Variants in CTDSP2 observed in about 807,000 individuals in gnomAD.
CTDSP2 encodes the protein CTD small phosphatase 2.
In CTDSP2, 9 loss-of-function variants were observed where a neutral mutation model predicts 31.6. The ratio of observed to expected loss-of-function variants is 0.28; its 90% CI spans 0.17 to 0.50. CTDSP2 has a LOEUF of 0.50. Among genes scored for constraint, CTDSP2 ranks in the 20% least tolerant of loss-of-function variants. The probability of loss-of-function intolerance (pLI) is 0.98; values close to 1 mark genes in which losing one functional copy is unlikely to be tolerated. For missense variants in CTDSP2, 267 were observed against 348.5 expected (o/e 0.77, Z 1.86); for synonymous variants, 134 against 134.5 (o/e 1.00, Z 0.03).
At chr12:57,842,681 G>A (rs549962281) in intron 1 of CTDSP2, 1 of 152,468 alleles carries the variant, frequency 6.6e-6, no homozygotes, top group Admixed American at 6.5e-5. Flanking sequence ...GGGAGCCTCA[G>A]CAGTCACTGT....
chr12:57,841,711 G>A (rs981106344), intron 1 of CTDSP2, among the ~76,000 whole-genome samples: 33 of 152,118 alleles, frequency 2.2e-4, no homozygotes, highest in African/African-American at 5.1e-4. Flanking sequence ...TCTGACCCCC[G>A]GCCACCTGTC....
At chr12:57,824,783 T>A (rs1488536667) in intron 5 of CTDSP2, 1 of 457,536 alleles carries the variant, frequency 2.2e-6, no homozygotes. Flanking sequence ...AGTGACTTTT[T>A]CCCCTCAATG....
rs1956166947 is a variant in CTDSP2, at chr12:57,824,056, A to G, written c.538T>C (p.Cys180Arg). 1 of 1,613,642 alleles carries G rather than the reference A, an allele frequency of 6.2e-7. No individual in the cohort carries two copies. Among genetic ancestry groups the G allele is most frequent in the Non-Finnish European group, 8.5e-7 (1 of 1,179,904 alleles). Reference protein sequence around the residue: ...ADPVTDLLDRCGVFRARLFRE... With the variant: ...ADPVTDLLDRRGVFRARLFRE... ...AATAGGCGGGCCCGGAACACCCCAC[A>G]CCGGTCCAGCAGGTCTGTCACAGGG... The change falls in exon 7 of 8, where the codon TGT (cysteine) becomes CGT (arginine). Residue 180 changes from cysteine to arginine, a missense_variant. Cys to Arg is a radical substitution (Grantham distance 180). Transcript: ENST00000398073.
intron 1 of CTDSP2, among the ~76,000 whole-genome samples, chr12:57,830,421 C>CCAACAA (rs376992203): frequency 2.0e-5 from 3 of 151,640 alleles, no homozygotes; most frequent in South Asian, 4.2e-4. Context: ...ACAAACAAAA[C>CCAACAA]CAACAACAAC....
At position 57,844,846 on chromosome 12, in the gene CTDSP2, GC is replaced by G. The variant is rs1956304309; in HGVS notation, c.64+1525del. On this transcript the variant is annotated intron_variant, in intron 1 of 7. Transcript: ENST00000398073. ...GTAGGCAAGGCCATCCCTTCTCAGGGCAGGCTTATTTAAAGTCCGGCCAGTG... is the reference window on the plus strand; with the variant it reads ...GTAGGCAAGGCCATCCCTTCTCAGGGAGGCTTATTTAAAGTCCGGCCAGTG... Among the ~76,000 whole-genome samples the G allele has an allele frequency of 2.0e-5, 3 of 151,990 alleles. No homozygotes were observed. The South Asian group carries it at 6.2e-4, about 32-fold the overall frequency.
intron 1 of CTDSP2, among the ~76,000 whole-genome samples, chr12:57,834,386 GC>G (rs939184200): frequency 2.6e-5 from 4 of 152,140 alleles, no homozygotes; most frequent in African/African-American, 9.7e-5. Flanking sequence ...CCTACCCCTT[GC>G]CCCAGGTTTT....
Position 57,823,506 on chromosome 12 carries a change from TG to T in CTDSP2, c.*95del. On this transcript the variant is annotated 3_prime_UTR_variant, in exon 8 of 8. Transcript: ENST00000398073. ...TTCCCGCTGTTTCCGGGCCGTGTGG[TG>T]AGGCACTCCAGCTTCTACTCTGTCA... 6.9e-7 allele frequency: 1 copy of T among 1,440,298 alleles called. No homozygotes were observed. Among genetic ancestry groups the T allele is most frequent in the South Asian group, 1.2e-5 (1 of 81,354 alleles). The allele number at this position is 1,440,298 out of a possible 1,614,324, so 89.2% of individuals were successfully genotyped here.
intron 5 of CTDSP2, 85 bp from the exon 6 acceptor site, chr12:57,824,404 C>G: frequency 9.7e-7 from 1 of 1,031,312 alleles, no homozygotes; most frequent in Non-Finnish European, 1.5e-6. Flanking sequence ...TACACAGCAG[C>G]AAGGAGCTCT....
At chr12:57,843,491 C>A (rs1956295007) in intron 1 of CTDSP2, among the ~76,000 whole-genome samples, 1 of 151,630 alleles carries the variant, frequency 6.6e-6, no homozygotes, top group South Asian at 2.1e-4. Flanking sequence ...ATCATCAACG[C>A]ACCCAGACAG....
At chr12:57,828,458 C>T (rs962237047) in intron 2 of CTDSP2, among the ~76,000 whole-genome samples, 7 of 151,242 alleles carry the variant, frequency 4.6e-5, no homozygotes, top group African/African-American at 1.5e-4. Flanking sequence ...TTTAAGTGTT[C>T]TTAATGAAAA....
intron 4 of CTDSP2, 104 bp from the exon 5 acceptor site, chr12:57,826,506 G>A (rs1956184050): frequency 9.1e-7 from 1 of 1,093,124 alleles, no homozygotes; most frequent in South Asian, 1.3e-5. Context: ...AAAGACTCCT[G>A]GAAGTGCCTC....
chr12:57,822,884 C>CT lies in CTDSP2; in HGVS notation c.*717dup, dbSNP rs1956156091. ...TCTTCCCGGGCAGGGAGAAAACCTC[C>CT]TTCCCCACAGGTTTGAGACTATGGC... On this transcript the variant is annotated 3_prime_UTR_variant, in exon 8 of 8. Transcript: ENST00000398073. 6.5e-6 allele frequency: 1 copy of CT among 152,752 alleles called. No individual in the cohort carries two copies. The highest frequency in any genetic ancestry group is 1.5e-5 in the Non-Finnish European group (1 of 68,116). 9.5% of individuals were successfully genotyped at this position (152,752 alleles called of 1,614,324 possible). A position where few individuals can be genotyped will look rare whatever the true frequency, so the allele number is the denominator to read the frequency against.
rs143009792 is a variant in CTDSP2, at chr12:57,823,118, G to C, written c.*484C>G. On this transcript the variant is annotated 3_prime_UTR_variant, in exon 8 of 8. Transcript: ENST00000398073. Reference sequence around the variant, plus strand: ...CTGGAGAAGGATTTCAGAAAGGTGTGTGCCTGGAGTACCCAAAGGCATACC... The same window carrying C: ...CTGGAGAAGGATTTCAGAAAGGTGTCTGCCTGGAGTACCCAAAGGCATACC... The C allele has an allele frequency of 3.2e-5, 5 of 158,410 alleles. No individual in the cohort carries two copies. The highest frequency in any genetic ancestry group is 1.8e-4 in the South Asian group (1 of 5,418). 9.8% of individuals were successfully genotyped at this position (158,410 alleles called of 1,614,324 possible). A position where few individuals can be genotyped will look rare whatever the true frequency, so the allele number is the denominator to read the frequency against.
At chr12:57,826,540 C>T in intron 4 of CTDSP2, 138 bp from the exon 5 acceptor site, 1 of 727,536 alleles carries the variant, frequency 1.4e-6, no homozygotes. Context: ...AAGGGGTTCT[C>T]ACCCTAGTTC....
intron 1 of CTDSP2, among the ~76,000 whole-genome samples, chr12:57,832,209 T>TGGTATGGCCA (rs1398181369): frequency 6.6e-6 from 1 of 152,214 alleles, no homozygotes; most frequent in Non-Finnish European, 1.5e-5. Flanking sequence ...TTGGAAACTT[T>TGGTATGGCCA]TTAGAAAATG....
At chr12:57,845,146 G>C (rs577130168) in intron 1 of CTDSP2, among the ~76,000 whole-genome samples, 2 of 152,280 alleles carry the variant, frequency 1.3e-5, no homozygotes, top group East Asian at 3.9e-4. Context: ...CCGGCCCTTC[G>C]CGCTCGGTGG....
chr12:57,834,681 C>T (rs751634913), intron 1 of CTDSP2, among the ~76,000 whole-genome samples: 1 of 152,214 alleles, frequency 6.6e-6, no homozygotes, highest in Non-Finnish European at 1.5e-5. Context: ...AGCCAGCACT[C>T]AGCATTGTGT....
chr12:57,829,706 A>G (rs1956203752), intron 1 of CTDSP2, 110 bp from the exon 2 acceptor site: 12 of 885,778 alleles, frequency 1.4e-5, no homozygotes, highest in Non-Finnish European at 2.2e-5. Flanking sequence ...TAGGGCACAC[A>G]GTATACGGCT....
At chr12:57,836,130 T>C (rs1208138687) in intron 1 of CTDSP2, among the ~76,000 whole-genome samples, 2 of 151,984 alleles carry the variant, frequency 1.3e-5, no homozygotes, top group Non-Finnish European at 2.9e-5. Context: ...CCCAAGAAGA[T>C]GAGGGAAAGG....
Sources: gnomAD v4.1 joint callset for allele counts (sites outside exome capture counted in the v4.1 genomes callset) on GRCh38, gnomAD v4.1.1 for gene constraint, MANE v1.5 for transcripts, NCBI Gene and HGNC (gene_info 2026-07-23, HGNC 2026-07-21) for gene names.